Variants in LSAMP observed in about 807,000 individuals in gnomAD.
The protein encoded by LSAMP is limbic system-associated membrane protein.
In LSAMP, 7 loss-of-function variants were observed where a neutral mutation model predicts 38.6. The observed-to-expected ratio is 0.18, with a 90% CI of 0.10 to 0.34. The LOEUF (loss-of-function observed/expected upper bound fraction) is 0.34, where lower values mean the gene tolerates loss of function less well. Ranked by LOEUF, LSAMP falls within the 10% of genes least tolerant of loss-of-function variation. The probability of loss-of-function intolerance (pLI) is 1.00; values close to 1 mark genes in which losing one functional copy is unlikely to be tolerated. For synonymous variants in LSAMP, 154 were observed against 166.8 expected, an observed-to-expected ratio of 0.92 and a Z score of 0.59; for missense variants, 313 against 420.0, an observed-to-expected ratio of 0.75 and a Z score of 2.23.
rs574081101 is a variant in LSAMP at position 116,030,028 on chromosome 3, A to G, written c.389-10388T>C. ...ATAACTTAAACATGGTAGCCATGGG[A>G]CAAAGAAATGTTACGTAGCTCATTT... is the stretch of plus-strand genomic sequence containing the variant. On this transcript the variant is annotated intron_variant, in intron 2 of 6. Coordinates refer to ENST00000490035, the MANE Select transcript of LSAMP (RefSeq NM_002338.5). Among the ~76,000 whole-genome samples the G allele has an allele frequency of 3.9e-5, 6 of 152,274 alleles. No homozygotes were observed. In the East Asian group the frequency reaches 1.2e-3, roughly 29 times the overall value.
At chr3:116,407,641 ATTGTT>A (rs2048914097) in intron 1 of LSAMP, among the ~76,000 whole-genome samples, 1 of 152,056 alleles carries the variant, frequency 6.6e-6, no homozygotes, top group African/African-American at 2.4e-5. Flanking sequence ...ATTGTTGGTT[ATTGTT>A]CATGTAGCAA....
rs564397003 is a variant in LSAMP at position 116,138,133 on chromosome 3, C to T, written c.156-51577G>A. 6.6e-5 allele frequency among the ~76,000 whole-genome samples: 10 copies of T among 152,166 alleles called. No homozygotes were observed. In the East Asian group the frequency reaches 1.7e-3, roughly 27 times the overall value. On this transcript the variant is annotated intron_variant, in intron 1 of 6. Coordinates refer to ENST00000490035, the MANE Select transcript of LSAMP (RefSeq NM_002338.5). ...TTCTCACAAGTTCTCAACTAATGAA[C>T]AAGGACTGCACTTTGAACATCAAAG...
chr3:116,230,408 A>T (rs2046390541), intron 1 of LSAMP, among the ~76,000 whole-genome samples: 1 of 152,174 alleles, frequency 6.6e-6, no homozygotes, highest in Non-Finnish European at 1.5e-5. Flanking sequence ...GATGTTTGAC[A>T]TTATACTTAT....
chr3:116,018,130 A>G (rs1940538042), intron 3 of LSAMP, among the ~76,000 whole-genome samples: 2 of 152,144 alleles, frequency 1.3e-5, no homozygotes, highest in African/African-American at 4.8e-5. Context: ...CTCCCAAATA[A>G]GTGTCTCATG....
At chr3:116,250,698 CAAA>C (rs3974284) in intron 1 of LSAMP, among the ~76,000 whole-genome samples, 1 of 141,882 alleles carries the variant, frequency 7.0e-6, no homozygotes, top group Non-Finnish European at 1.5e-5. Context: ...CTTGTATCTA[CAAA>C]AAAAAAAAAA....
chr3:115,880,001 G>A (rs1046571359), intron 3 of LSAMP, among the ~76,000 whole-genome samples: 12 of 152,166 alleles, frequency 7.9e-5, no homozygotes, highest in Admixed American at 7.9e-4. Flanking sequence ...TAAGAATTAA[G>A]AACCAGCAAA....
chr3:116,304,687 A>AAATT (rs1455687659), intron 1 of LSAMP, among the ~76,000 whole-genome samples: 1 of 152,124 alleles, frequency 6.6e-6, no homozygotes, highest in African/African-American at 2.4e-5. Flanking sequence ...CAGTTAGGGA[A>AAATT]AATTAATTTT....
intron 1 of LSAMP, among the ~76,000 whole-genome samples, chr3:116,100,718 T>C (rs1283712314): frequency 2.0e-5 from 3 of 152,340 alleles, no homozygotes; most frequent in Non-Finnish European, 4.4e-5. Flanking sequence ...ATGTTCGTGG[T>C]CTTTTTACCT....
chr3:116,034,914 C>A (rs188256714), intron 2 of LSAMP, among the ~76,000 whole-genome samples: 2 of 152,238 alleles, frequency 1.3e-5, no homozygotes, highest in East Asian at 3.9e-4. Flanking sequence ...ACCAAAGAAA[C>A]GTAAAAGAAT....
intron 6 of LSAMP, among the ~76,000 whole-genome samples, chr3:115,831,470 C>T (rs1229418283): frequency 6.6e-6 from 1 of 152,180 alleles, no homozygotes; most frequent in Non-Finnish European, 1.5e-5. Flanking sequence ...CTGGTTTCAA[C>T]ACTTCATTCT....
At chr3:116,023,814 C>A (rs937593162) in intron 2 of LSAMP, among the ~76,000 whole-genome samples, 2 of 152,170 alleles carry the variant, frequency 1.3e-5, no homozygotes, top group Non-Finnish European at 2.9e-5. Flanking sequence ...CCCTGCTTAT[C>A]TCTCCAGCCT....
intron 3 of LSAMP, among the ~76,000 whole-genome samples, chr3:115,973,832 A>G (rs1179734850): frequency 6.6e-6 from 1 of 152,154 alleles, no homozygotes; most frequent in African/African-American, 2.4e-5. Context: ...ACAAAACAAC[A>G]TTTGTGTTAA....
chr3:116,092,857 C>A (rs1486647039), intron 1 of LSAMP, among the ~76,000 whole-genome samples: 1 of 152,078 alleles, frequency 6.6e-6, no homozygotes. Flanking sequence ...TACATATCTA[C>A]CAAATATTAA....
chr3:115,974,886 G>A lies in LSAMP; in HGVS notation c.514+44629C>T, dbSNP rs115682619. Among the ~76,000 whole-genome samples, 1,052 of 152,254 alleles carry A rather than the reference G, an allele frequency of 6.9e-3. 8 individuals carry two copies. The highest frequency in any genetic ancestry group is 0.012 in the Non-Finnish European group (827 of 68,018). ...GTGTCGAACCTCTCATCCTGACATG[G>A]CTGGGAACTCAGCTTCCAAGGTTTC... On this transcript the variant is annotated intron_variant, in intron 3 of 6. Coordinates refer to ENST00000490035, the MANE Select transcript of LSAMP (RefSeq NM_002338.5).
At position 115,806,856 on chromosome 3, in the gene LSAMP, G is replaced by C. The variant is rs969064842; in HGVS notation, c.*3461C>G. On this transcript the variant is annotated 3_prime_UTR_variant, in exon 7 of 7. Coordinates refer to ENST00000490035, the MANE Select transcript of LSAMP (RefSeq NM_002338.5). ...AACCTTTGCTCAACAATTGCACAGA[G>C]CATAATTACAATTCTGCAGTTGTAA... 6.6e-6 allele frequency: 1 copy of C among 152,288 alleles called. No homozygotes were observed. Among genetic ancestry groups the C allele is most frequent in the South Asian group, 2.1e-4 (1 of 4,826 alleles). 9.4% of individuals were successfully genotyped at this position (152,288 alleles called of 1,614,324 possible). A position where few individuals can be genotyped will look rare whatever the true frequency, so the allele number is the denominator to read the frequency against.
At chr3:116,392,624 G>C (rs766957629) in intron 1 of LSAMP, among the ~76,000 whole-genome samples, 47 of 152,208 alleles carry the variant, frequency 3.1e-4, no homozygotes, top group Non-Finnish European at 6.2e-4. Flanking sequence ...GAACCAGGTG[G>C]GTCCCTGGTG....
intron 1 of LSAMP, among the ~76,000 whole-genome samples, chr3:116,248,507 G>A (rs1284840739): frequency 6.6e-6 from 1 of 151,394 alleles, no homozygotes; most frequent in Non-Finnish European, 1.5e-5. Flanking sequence ...GTGTGTGTGT[G>A]TGTGTGTGTG....
chr3:116,232,698 TC>T (rs1322687904), intron 1 of LSAMP, among the ~76,000 whole-genome samples: 14 of 95,272 alleles, frequency 1.5e-4, no homozygotes, highest in Non-Finnish European at 2.4e-4. Flanking sequence ...TTTCTTTCTT[TC>T]TTTTTTTTTT....
chr3:116,240,859 ATCT>A (rs1322223609), intron 1 of LSAMP, among the ~76,000 whole-genome samples: 2 of 152,222 alleles, frequency 1.3e-5, no homozygotes, highest in African/African-American at 4.8e-5. Context: ...AACATGTATC[ATCT>A]TTCTAAAATT....
Sources: allele counts gnomAD v4.1 joint callset (sites outside exome capture counted in the v4.1 genomes callset), GRCh38; gene constraint gnomAD v4.1.1; transcripts MANE v1.5; gene names NCBI Gene and HGNC (gene_info 2026-07-23, HGNC 2026-07-21).